Variants in NRXN3 observed in about 807,000 individuals in gnomAD.
The protein encoded by NRXN3 is neurexin 3.
Under a neutral mutation model 137.6 loss-of-function variants are expected in NRXN3, and 32 were observed. The observed-to-expected ratio is 0.23, with a 90% CI of 0.18 to 0.31. NRXN3 has a LOEUF of 0.31. Among genes scored for constraint, NRXN3 ranks in the 10% least tolerant of loss-of-function variants. The pLI is 1.00. For synonymous variants in NRXN3, 798 were observed against 784.5 expected, an observed-to-expected ratio of 1.02 and a Z score of -0.29; for missense variants, 1,574 against 2,062.5, an observed-to-expected ratio of 0.76 and a Z score of 4.59.
chr14:78,939,633 T>C (rs913065620), intron 10 of NRXN3, among the ~76,000 whole-genome samples: 5 of 152,212 alleles, frequency 3.3e-5, no homozygotes, highest in Non-Finnish European at 5.9e-5. Flanking sequence ...GATATATGTT[T>C]TATCTCTATG....
At chr14:78,274,799 C>G (rs2073339639) in intron 2 of NRXN3, among the ~76,000 whole-genome samples, 1 of 152,126 alleles carries the variant, frequency 6.6e-6, no homozygotes, top group Non-Finnish European at 1.5e-5. Context: ...CTGTTTTGTT[C>G]CTACTGTTTA....
intron 15 of NRXN3, among the ~76,000 whole-genome samples, chr14:78,997,818 G>A (rs1189989086): frequency 6.6e-6 from 1 of 152,120 alleles, no homozygotes; most frequent in East Asian, 1.9e-4. Flanking sequence ...TTCTCTTTAA[G>A]GTCATTGCTG....
chr14:79,402,348 T>C (rs987954231), intron 15 of NRXN3, among the ~76,000 whole-genome samples: 5 of 152,232 alleles, frequency 3.3e-5, no homozygotes, highest in African/African-American at 4.8e-5. Flanking sequence ...AAATGTGCAA[T>C]GCACATGCAT....
chr14:79,797,097 G>A (rs1359040418), intron 19 of NRXN3, among the ~76,000 whole-genome samples: 1 of 152,178 alleles, frequency 6.6e-6, no homozygotes, highest in Non-Finnish European at 1.5e-5. Context: ...GAGTGAATGA[G>A]TCAATGCAAA....
chr14:78,326,620 G>GC (rs1336509449), intron 4 of NRXN3, among the ~76,000 whole-genome samples: 2 of 152,216 alleles, frequency 1.3e-5, no homozygotes, highest in African/African-American at 2.4e-5. Flanking sequence ...TGCAGGGAAA[G>GC]AGAAGTTAAC....
intron 15 of NRXN3, among the ~76,000 whole-genome samples, chr14:79,454,693 A>G (rs1045599076): frequency 2.6e-5 from 4 of 152,174 alleles, no homozygotes; most frequent in Non-Finnish European, 1.5e-5. Context: ...GCCATTTAGT[A>G]TGACAATACT....
chr14:78,754,884 C>T lies in NRXN3; in HGVS notation c.2044+39745C>T, dbSNP rs970751022. Among the ~76,000 whole-genome samples the T allele has an allele frequency of 1.0e-3, 157 of 151,310 alleles. 1 individual carries two copies. Among genetic ancestry groups the T allele is most frequent in the African/African-American group, 3.7e-3 (151 of 41,116 alleles). The stretch of plus-strand genomic sequence containing the variant: ...GTCTCACTGTGTTGCCCTGTATCCA[C>T]ACCTTTTTATAATATGCTTTTGGAG... On this transcript the variant is annotated intron_variant, in intron 8 of 20. Coordinates refer to ENST00000335750, the MANE Select transcript of NRXN3 (RefSeq NM_001330195.2).
chr14:79,861,348 G>A lies in NRXN3; in HGVS notation c.4100G>A (p.Ser1367Asn). The A allele has an allele frequency of 6.5e-7, 1 of 1,536,118 alleles. No individual in the cohort carries two copies. The highest frequency in any genetic ancestry group is 8.7e-7 in the Non-Finnish European group (1 of 1,146,918). The change falls in exon 21 of 21, where the codon AGT (serine) becomes AAT (asparagine). Residue 1367 changes from serine to asparagine, a missense_variant. Coordinates refer to ENST00000335750, the MANE Select transcript of NRXN3 (RefSeq NM_001330195.2). This position sits in a 1 kb window ranked among gnomAD's most constrained non-coding sequence, Gnocchi z 5.4. ...ACCTTCTCCTTGGTAACAGATAAGA[G>A]TCTTTCCACTTCAATCTTCGAAGGT... Reference protein sequence around the residue: ...FVECEPSTDKSLSTSIFEGGY... With the variant: ...FVECEPSTDKNLSTSIFEGGY...
intron 4 of NRXN3, among the ~76,000 whole-genome samples, chr14:78,602,905 C>T (rs1390976442): frequency 3.3e-5 from 5 of 152,254 alleles, no homozygotes; most frequent in Admixed American, 2.6e-4. Flanking sequence ...TTCCCTTTGT[C>T]CCCTGCCCTT....
At chr14:78,586,841 C>G (rs1313690570) in intron 4 of NRXN3, among the ~76,000 whole-genome samples, 1 of 152,222 alleles carries the variant, frequency 6.6e-6, no homozygotes, top group African/African-American at 2.4e-5. Flanking sequence ...TATGAGATTA[C>G]TAATGTCAAC....
At chr14:79,714,420 T>C (rs188390826) in intron 19 of NRXN3, among the ~76,000 whole-genome samples, 1 of 152,300 alleles carries the variant, frequency 6.6e-6, no homozygotes, top group East Asian at 1.9e-4. Context: ...GCTGGAGGCT[T>C]TGAAGTAAAT....
chr14:78,324,474 A>G (rs1381266203), intron 4 of NRXN3, among the ~76,000 whole-genome samples: 1 of 152,162 alleles, frequency 6.6e-6, no homozygotes, highest in Non-Finnish European at 1.5e-5. Context: ...AAAAGGAAGA[A>G]GTCCTGTTAA....
At chr14:79,225,521 C>T (rs944018608) in intron 15 of NRXN3, among the ~76,000 whole-genome samples, 3 of 152,092 alleles carry the variant, frequency 2.0e-5, no homozygotes, top group African/African-American at 7.2e-5. Flanking sequence ...TAATAAATCA[C>T]GGCAACCTTT....
chr14:78,450,693 C>T (rs1162583326), intron 4 of NRXN3, among the ~76,000 whole-genome samples: 1 of 152,176 alleles, frequency 6.6e-6, no homozygotes, highest in Non-Finnish European at 1.5e-5. Flanking sequence ...CTCCCTCTGC[C>T]TGCTGTGGAC....
intron 10 of NRXN3, among the ~76,000 whole-genome samples, chr14:78,903,840 C>T (rs1352198068): frequency 6.6e-6 from 1 of 151,982 alleles, no homozygotes; most frequent in Non-Finnish European, 1.5e-5. Flanking sequence ...GCTGTTTATG[C>T]AATGAAGTGC....
chr14:78,449,080 CT>C (rs767745646), intron 4 of NRXN3, among the ~76,000 whole-genome samples: 1 of 152,196 alleles, frequency 6.6e-6, no homozygotes, highest in African/African-American at 2.4e-5. Flanking sequence ...TAGTACACTC[CT>C]TTATTCCTCA....
At chr14:79,242,616 A>G (rs2074486482) in intron 15 of NRXN3, among the ~76,000 whole-genome samples, 1 of 152,110 alleles carries the variant, frequency 6.6e-6, no homozygotes, top group South Asian at 2.1e-4. Flanking sequence ...AGGTAACTGC[A>G]ATTTTGCTTA....
At chr14:79,023,082 A>T (rs1457802947) in intron 15 of NRXN3, among the ~76,000 whole-genome samples, 1 of 146,500 alleles carries the variant, frequency 6.8e-6, no homozygotes, top group African/African-American at 2.5e-5. Context: ...GGTCATCAGG[A>T]TGGACACTCA....
At chr14:79,794,434 T>C (rs2099155004) in intron 19 of NRXN3, among the ~76,000 whole-genome samples, 1 of 152,078 alleles carries the variant, frequency 6.6e-6, no homozygotes, top group African/African-American at 2.4e-5. Flanking sequence ...TTGCCCTATC[T>C]TTCCCTTTCA....
Sources: gnomAD v4.1 joint callset for allele counts (sites outside exome capture counted in the v4.1 genomes callset) on GRCh38, gnomAD v4.1.1 for gene constraint, Gnocchi (gnomAD v3.1) non-coding constraint, MANE v1.5 for transcripts, NCBI Gene and HGNC (gene_info 2026-07-23, HGNC 2026-07-21) for gene names.